Variants in SMCHD1 observed in about 807,000 individuals in gnomAD.
SMCHD1 encodes the protein structural maintenance of chromosomes flexible hinge domain containing 1.
Under a neutral mutation model 254.7 loss-of-function variants are expected in SMCHD1, and 78 were observed. The ratio of observed to expected loss-of-function variants is 0.31; its 90% CI spans 0.26 to 0.37. The LOEUF (loss-of-function observed/expected upper bound fraction) is 0.37. Among genes scored for constraint, SMCHD1 ranks in the 10% least tolerant of loss-of-function variants. The probability of loss-of-function intolerance (pLI) is 1.00; values close to 1 mark genes in which losing one functional copy is unlikely to be tolerated. For synonymous variants in SMCHD1, 766 were observed against 794.9 expected (o/e 0.96, Z 0.61); for missense variants, 1,840 against 2,408.1 (o/e 0.76, Z 4.94).
At position 2,707,574 on chromosome 18, in the gene SMCHD1, G is replaced by T; in HGVS notation, c.2075G>T (p.Arg692Ile). The T allele has an allele frequency of 6.2e-7, 1 of 1,604,904 alleles. No homozygotes were observed. The highest frequency in any genetic ancestry group is 8.5e-7 in the Non-Finnish European group (1 of 1,174,804). The change falls in exon 16 of 48, where the codon AGA becomes ATA. Residue 692 changes from arginine to isoleucine, a missense_variant. Physicochemically the swap from Arg to Ile is moderately conservative, Grantham distance 97. Transcript: ENST00000320876. Reference sequence around the variant, plus strand: ...TGGTTTCATAACAGGCTCCCTGATAGATTGTCAGTAACTTGGCCTGAAGGA... The same window carrying T: ...TGGTTTCATAACAGGCTCCCTGATATATTGTCAGTAACTTGGCCTGAAGGA... Reference protein sequence around the residue: ...VEDEMARLPDRLSVTWPEGDE... With the variant: ...VEDEMARLPDILSVTWPEGDE...
chr18:2,704,169 G>A (rs1313490514), intron 13 of SMCHD1, among the ~76,000 whole-genome samples: 1 of 151,948 alleles, frequency 6.6e-6, no homozygotes, highest in Non-Finnish European at 1.5e-5. Flanking sequence ...AACAAATAAT[G>A]CAAATATTGG....
At chr18:2,680,565 C>T (rs1190390991) in intron 5 of SMCHD1, among the ~76,000 whole-genome samples, 1 of 152,154 alleles carries the variant, frequency 6.6e-6, no homozygotes, top group East Asian at 1.9e-4. Context: ...ACTTTAACTT[C>T]TTGCTTGTAG....
Position 2,769,742 on chromosome 18 carries a change from T to C in SMCHD1, c.4768T>C (p.Phe1590Leu). The change falls in exon 38 of 48, where the codon TTT becomes CTT. Residue 1590 changes from phenylalanine (F) to leucine (L), a missense_variant. Phe to Leu is a conservative substitution (Grantham distance 22). Transcript: ENST00000320876. ...SSPGRDSTEY[F>L]IVFEPRLPLL... The stretch of plus-strand genomic sequence containing the variant: ...TCCTGGAAGGGATAGTACTGAATAT[T>C]TTATTGTATTTGAGCCCCGGCTACC... 1 of 1,602,452 alleles carries C rather than the reference T, an allele frequency of 6.2e-7. No individual in the cohort carries two copies. The highest frequency in any genetic ancestry group is 2.2e-5 in the East Asian group (1 of 44,642).
intron 5 of SMCHD1, among the ~76,000 whole-genome samples, chr18:2,679,480 CAAAAAAAAAA>C (rs59034633): frequency 1.0e-4 from 6 of 58,698 alleles, no homozygotes; most frequent in Middle Eastern, 0.012. Flanking sequence ...ACTCCATCTC[CAAAAAAAAAA>C]AAAAAAAAAG....
At chr18:2,726,738 A>G (rs916264245) in intron 22 of SMCHD1, 2 of 245,266 alleles carry the variant, frequency 8.2e-6, no homozygotes, top group African/African-American at 2.3e-5. Flanking sequence ...ACCTTGGGAG[A>G]AAAATTTGGA....
At position 2,769,876 on chromosome 18, in the gene SMCHD1, C is replaced by T. The variant is rs1173692810; in HGVS notation, c.4846+56C>T. ...CCGTTGTTAGTGATACTTTAGATAA[C>T]CTTGTTTTGCTTTCCATTAACTTGG... On this transcript the variant is annotated intron_variant, in intron 38 of 47. Transcript: ENST00000320876. The T allele has an allele frequency of 7.1e-6, 11 of 1,558,068 alleles. No homozygotes were observed. In the Admixed American group the frequency reaches 1.6e-4, roughly 23 times the overall value.
At chr18:2,735,899 A>T (rs2075239435) in intron 25 of SMCHD1, among the ~76,000 whole-genome samples, 1 of 152,218 alleles carries the variant, frequency 6.6e-6, no homozygotes, top group Non-Finnish European at 1.5e-5. Context: ...ATTGGAAAAA[A>T]GCTATTCTAA....
At chr18:2,728,238 G>C in intron 22 of SMCHD1, 1 of 455,210 alleles carries the variant, frequency 2.2e-6, no homozygotes, top group Non-Finnish European at 3.9e-6. Flanking sequence ...ACTTAGCCTA[G>C]ACACCAAGCA....
intron 35 of SMCHD1, 129 bp downstream of exon 35, chr18:2,760,868 A>C (rs1598414276): frequency 1.9e-6 from 1 of 532,144 alleles, no homozygotes; most frequent in East Asian, 3.1e-5. Context: ...TTTGTTTAAA[A>C]GTGAAGTAAT....
chr18:2,690,736 G>A (rs760240071), intron 7 of SMCHD1, among the ~76,000 whole-genome samples: 2 of 149,976 alleles, frequency 1.3e-5, no homozygotes, highest in African/African-American at 2.5e-5. Flanking sequence ...CGCCCACCTC[G>A]GCCTCCCAAA....
At position 2,708,915 on chromosome 18, in the gene SMCHD1, T is replaced by TAAAAC. The variant is rs2074598322; in HGVS notation, c.2260+997_2260+998insAACAA. Among the ~76,000 whole-genome samples, 20 of 90,458 alleles carry TAAAAC rather than the reference T, an allele frequency of 2.2e-4. 1 individual carries two copies. Among genetic ancestry groups the TAAAAC allele is most frequent in the African/African-American group, 6.7e-4 (16 of 23,746 alleles). The allele number at this position is 90,458 out of a possible 152,430, so 59.3% of individuals were successfully genotyped here. ...ATATATATATATATATATAACATAT[T>TAAAAC]AACATGAAATTTATGAAGTGGCATT... On this transcript the variant is annotated intron_variant, in intron 17 of 47. Coordinates refer to ENST00000320876, the MANE Select transcript of SMCHD1 (RefSeq NM_015295.3).
chr18:2,762,356 C>A, intron 36 of SMCHD1, 120 bp downstream of exon 36: 1 of 812,748 alleles, frequency 1.2e-6, no homozygotes. Context: ...ATAGGGAAAA[C>A]TTGTGCAGAT....
At chr18:2,709,387 G>A (rs558450509) in intron 17 of SMCHD1, among the ~76,000 whole-genome samples, 22 of 152,096 alleles carry the variant, frequency 1.4e-4, no homozygotes, top group African/African-American at 4.6e-4. Context: ...TTGAGTCTCC[G>A]CTTTGGTTCC....
chr18:2,768,766 G>A (rs2075922641), intron 37 of SMCHD1, among the ~76,000 whole-genome samples: 2 of 141,164 alleles, frequency 1.4e-5, no homozygotes, highest in Admixed American at 7.4e-5. Context: ...ATCAAATCGA[G>A]TGCTGAAAGC....
intron 45 of SMCHD1, among the ~76,000 whole-genome samples, chr18:2,787,037 A>T (rs1267706489): frequency 6.6e-6 from 1 of 152,174 alleles, no homozygotes; most frequent in Non-Finnish European, 1.5e-5. Flanking sequence ...GTGATTTATA[A>T]AGAAAAAGAT....
Position 2,770,096 on chromosome 18 carries a change from A to T in SMCHD1, c.4954A>T (p.Asn1652Tyr). 5 of 1,598,906 alleles carry T rather than the reference A, an allele frequency of 3.1e-6. No homozygotes were observed. Among genetic ancestry groups the T allele is most frequent in the Non-Finnish European group, 4.2e-6 (5 of 1,176,480 alleles). The change falls in exon 39 of 48, where the codon AAT becomes TAT. Residue 1652 changes from asparagine (N) to tyrosine (Y), a missense_variant. Asn to Tyr is a moderately radical substitution (Grantham distance 143). Around this residue, in one of 9 missense-constraint regions of SMCHD1, gnomAD observed 881 missense variants for 1,009.5 expected, o/e 0.87. Transcript: ENST00000320876. ...ATTTGAAGCCAGCCAACAGCTTCTT[A>T]ATGAAATGAAATGTAAGTCATTTTG... ...SLFEASQQLL[N>Y]EMKCQVEEAR...
At chr18:2,660,537 A>C (rs2073219738) in intron 1 of SMCHD1, among the ~76,000 whole-genome samples, 1 of 144,712 alleles carries the variant, frequency 6.9e-6, no homozygotes, top group Admixed American at 7.0e-5. Context: ...GCAGTGGCGC[A>C]ATCTTGGCTC....
chr18:2,694,481 A>AT, intron 7 of SMCHD1, 46 bp from the exon 8 acceptor site: 4 of 1,385,322 alleles, frequency 2.9e-6, no homozygotes, highest in Non-Finnish European at 3.9e-6. Flanking sequence ...TTGTATAATT[A>AT]TAATTTAGAT....
intron 19 of SMCHD1, among the ~76,000 whole-genome samples, chr18:2,719,975 C>G (rs1458785081): frequency 6.9e-6 from 1 of 144,310 alleles, no homozygotes; most frequent in Non-Finnish European, 1.6e-5. Flanking sequence ...GCACGTGGCC[C>G]TGTCTAATTT....
Sources: allele counts gnomAD v4.1 joint callset (sites outside exome capture counted in the v4.1 genomes callset), GRCh38; gene constraint gnomAD v4.1.1; regional missense constraint gnomAD v4.1.1; transcripts MANE v1.5; gene names NCBI Gene and HGNC (gene_info 2026-07-23, HGNC 2026-07-21).